CUX2: variants seen among roughly 807,000 people sequenced by gnomAD.
The protein encoded by CUX2 is cut like homeobox 2, also known as homeobox protein cut-like 2.
Under a neutral mutation model 144.8 loss-of-function variants are expected in CUX2, and 40 were observed. The ratio of observed to expected loss-of-function variants is 0.28; its 90% CI spans 0.21 to 0.36. CUX2 has a LOEUF of 0.36. Among genes scored for constraint, CUX2 ranks in the 10% least tolerant of loss-of-function variants. The probability of loss-of-function intolerance (pLI) is 1.00; values close to 1 mark genes in which losing one functional copy is unlikely to be tolerated. For missense variants in CUX2, 1,615 were observed against 1,994.0 expected, an observed-to-expected ratio of 0.81 and a Z score of 3.62; for synonymous variants, 827 against 875.6, an observed-to-expected ratio of 0.94 and a Z score of 0.98.
chr12:111,061,025 C>T lies in CUX2; in HGVS notation c.63+26785C>T, dbSNP rs1870743738. ...CCTGCCACCTCCCAGCCTTGGGATG[C>T]CAGGACCTCCAGCTGGCCCTGCTGC... is the stretch of plus-strand genomic sequence containing the variant. On this transcript the variant is annotated intron_variant, in intron 1 of 21. Coordinates refer to ENST00000261726, the MANE Select transcript of CUX2 (RefSeq NM_015267.4). The surrounding 1 kb of genome is among the most constrained non-coding windows in gnomAD (Gnocchi z 4.2). Among the ~76,000 whole-genome samples, 1 of 152,198 alleles carries T rather than the reference C, an allele frequency of 6.6e-6. No homozygotes were observed. Among genetic ancestry groups the T allele is most frequent in the South Asian group, 2.1e-4 (1 of 4,830 alleles).
Position 111,322,585 on chromosome 12 carries a change from G to A in CUX2, c.2926+5G>A. ...AGCAGCCTGGTGCCTCCCAGGGTGA[G>A]TGCGGGCAGGAGCATCTCAGGGGGT... On this transcript the variant is annotated splice_donor_5th_base_variant and intron_variant, in intron 18 of 21. Coordinates refer to ENST00000261726, the MANE Select transcript of CUX2 (RefSeq NM_015267.4). The surrounding 1 kb of genome is among the most constrained non-coding windows in gnomAD (Gnocchi z 4.2). 1 of 1,606,096 alleles carries A rather than the reference G, an allele frequency of 6.2e-7. No individual in the cohort carries two copies.
At chr12:111,146,667 C>T (rs774577465) in intron 1 of CUX2, among the ~76,000 whole-genome samples, 1 of 152,100 alleles carries the variant, frequency 6.6e-6, no homozygotes, top group Non-Finnish European at 1.5e-5. Context: ...CACTAACGTG[C>T]GGGTGTGAGA....
intron 1 of CUX2, among the ~76,000 whole-genome samples, chr12:111,118,549 C>T (rs1874434119): frequency 6.6e-6 from 1 of 152,198 alleles, no homozygotes; most frequent in East Asian, 1.9e-4. Context: ...CTGAAGCCCC[C>T]TGCCTCCACC....
chr12:111,209,156 G>A (rs940493048), intron 1 of CUX2, among the ~76,000 whole-genome samples: 1 of 152,208 alleles, frequency 6.6e-6, no homozygotes, highest in African/African-American at 2.4e-5. Flanking sequence ...TTACTCAGGT[G>A]TAAACCATTC....
Position 111,293,705 on chromosome 12 carries a change from G to C in CUX2, c.560+136G>C. On this transcript the variant is annotated intron_variant, in intron 6 of 21. Transcript: ENST00000261726. This position sits in a 1 kb window ranked among gnomAD's most constrained non-coding sequence, Gnocchi z 4.5. ...CTGGAGACCGAGATGAGAAAGGGCC[G>C]AGGGCTTTGGACTCCAACCGGGTCT... The C allele has an allele frequency of 2.3e-6, 3 of 1,286,022 alleles. No homozygotes were observed. The highest frequency in any genetic ancestry group is 3.2e-6 in the Non-Finnish European group (3 of 949,148). 79.7% of individuals were successfully genotyped at this position (1,286,022 alleles called of 1,614,324 possible).
intron 5 of CUX2, among the ~76,000 whole-genome samples, chr12:111,292,173 G>C (rs1373265966): frequency 1.3e-5 from 2 of 152,162 alleles, no homozygotes; most frequent in Non-Finnish European, 2.9e-5. Flanking sequence ...AACAGCAAAA[G>C]CAGAAACAAC....
chr12:111,048,102 C>T (rs561665057), intron 1 of CUX2, among the ~76,000 whole-genome samples: 8 of 152,144 alleles, frequency 5.3e-5, no homozygotes, highest in East Asian at 3.9e-4. Flanking sequence ...TTACTGCTCA[C>T]GCAGGCCCTT....
chr12:111,254,144 A>T (rs1484896941), intron 3 of CUX2, among the ~76,000 whole-genome samples: 1 of 152,338 alleles, frequency 6.6e-6, no homozygotes, highest in Non-Finnish European at 1.5e-5. Context: ...ATGTCAGCAG[A>T]TGCTGACGGA....
intron 4 of CUX2, among the ~76,000 whole-genome samples, chr12:111,286,546 G>A (rs933787837): frequency 6.6e-6 from 1 of 152,062 alleles, no homozygotes; most frequent in Non-Finnish European, 1.5e-5. Context: ...GACCAGTCTG[G>A]GCAACATAGC....
Position 111,218,440 on chromosome 12 carries a change from C to T in CUX2, c.222+503C>T, listed in dbSNP as rs148906410. Among the ~76,000 whole-genome samples, 15 of 152,264 alleles carry T rather than the reference C, an allele frequency of 9.9e-5. No individual in the cohort carries two copies. The East Asian group carries it at 1.9e-3, about 20-fold the overall frequency. On this transcript the variant is annotated intron_variant, in intron 3 of 21. Transcript: ENST00000261726. ...CTAAGGTGGGAGGGCTGCTTAAACC[C>T]GGCAAGTTGAGGCTGCAGTGATTCA... is the stretch of plus-strand genomic sequence containing the variant.
chr12:111,325,380 C>G (rs961565581), intron 18 of CUX2, among the ~76,000 whole-genome samples: 2 of 152,058 alleles, frequency 1.3e-5, no homozygotes, highest in Non-Finnish European at 2.9e-5. Flanking sequence ...AGTGCTTTGT[C>G]CTGTAATCTT....
chr12:111,214,964 C>T (rs1881451457), intron 2 of CUX2, among the ~76,000 whole-genome samples: 1 of 152,154 alleles, frequency 6.6e-6, no homozygotes, highest in South Asian at 2.1e-4. Flanking sequence ...GCAGGCCCCC[C>T]TATTGCTTCT....
chr12:111,310,002 C>G lies in CUX2; in HGVS notation c.1259-39C>G. 1 of 1,232,162 alleles carries G rather than the reference C, an allele frequency of 8.1e-7. No individual in the cohort carries two copies. The highest frequency in any genetic ancestry group is 1.0e-6 in the Non-Finnish European group (1 of 974,112). 76.3% of individuals were successfully genotyped at this position (1,232,162 alleles called of 1,614,324 possible). ...CTCTCTCTCCCCTCATCATCGTCTTCCCCGTCTGTCTGTCTGTCTGTCTGT... is the reference window on the plus strand; with the variant it reads ...CTCTCTCTCCCCTCATCATCGTCTTGCCCGTCTGTCTGTCTGTCTGTCTGT... On this transcript the variant is annotated intron_variant, in intron 14 of 21. Transcript: ENST00000261726. This position sits in a 1 kb window ranked among gnomAD's most constrained non-coding sequence, Gnocchi z 7.9.
In CUX2 at chr12:111,320,114, G is replaced by C. The variant is rs919221202; in HGVS notation, c.2105G>C (p.Arg702Pro). 1.3e-6 allele frequency: 2 copies of C among 1,557,588 alleles called. No homozygotes were observed. The highest frequency in any genetic ancestry group is 1.9e-5 in the Admixed American group (1 of 51,488). ...AIKSILEQAR[R>P]EMQAQQQALL... ...AAGAGCATCCTGGAGCAGGCACGCC[G>C]TGAGATGCAGGCGCAACAGCAGGCG... The change falls in exon 17 of 22, where the codon CGT (arginine) becomes CCT (proline). Residue 702 changes from arginine to proline, a missense_variant. Transcript: ENST00000261726. This position sits in a 1 kb window ranked among gnomAD's most constrained non-coding sequence, Gnocchi z 8.1.
intron 1 of CUX2, among the ~76,000 whole-genome samples, chr12:111,191,013 C>G (rs1446555217): frequency 6.6e-6 from 1 of 152,150 alleles, no homozygotes. Flanking sequence ...GGGACTCCAC[C>G]CCCTGGCATC....
At chr12:111,139,826 C>A (rs376086344) in intron 1 of CUX2, among the ~76,000 whole-genome samples, 8 of 152,130 alleles carry the variant, frequency 5.3e-5, no homozygotes, top group African/African-American at 1.9e-4. Flanking sequence ...GGTGGTGGAC[C>A]CACCTTCACT....
chr12:111,268,824 G>T (rs999260960), intron 4 of CUX2, among the ~76,000 whole-genome samples: 1 of 152,162 alleles, frequency 6.6e-6, no homozygotes, highest in Non-Finnish European at 1.5e-5. Context: ...GATCCTTTGG[G>T]TCCCACTGTG....
chr12:111,313,321 G>A (rs1285995838), intron 16 of CUX2, among the ~76,000 whole-genome samples: 2 of 149,262 alleles, frequency 1.3e-5, no homozygotes, highest in Non-Finnish European at 3.0e-5. Context: ...CACCTGCCTC[G>A]GCCTCCCAAA....
intron 1 of CUX2, among the ~76,000 whole-genome samples, chr12:111,167,631 C>T (rs1205912571): frequency 6.6e-6 from 1 of 152,196 alleles, no homozygotes; most frequent in East Asian, 1.9e-4. Context: ...GTTCCTATCT[C>T]ATTTAATCCT....
Sources: allele counts gnomAD v4.1 joint callset (sites outside exome capture counted in the v4.1 genomes callset), GRCh38; gene constraint gnomAD v4.1.1; non-coding constraint Gnocchi (gnomAD v3.1); transcripts MANE v1.5; gene names NCBI Gene and HGNC (gene_info 2026-07-23, HGNC 2026-07-21).